Variants in DHX57 observed in about 807,000 individuals in gnomAD.
The protein encoded by DHX57 is putative ATP-dependent RNA helicase DHX57.
A neutral mutation model predicts 156.2 loss-of-function variants in DHX57; 105 were observed. The ratio of observed to expected loss-of-function variants is 0.67; its 90% CI spans 0.57 to 0.79. The LOEUF (loss-of-function observed/expected upper bound fraction) is 0.79. Ranked by LOEUF, DHX57 falls within the 30% of genes least tolerant of loss-of-function variation. The probability of loss-of-function intolerance (pLI) is 0.00; values close to 1 mark genes in which losing one functional copy is unlikely to be tolerated. For synonymous variants in DHX57, 704 were observed against 595.6 expected (o/e 1.18, Z -2.65); for missense variants, 1,847 against 1,661.9 (o/e 1.11, Z -1.94).
chr2:38,861,585 C>A lies in DHX57; in HGVS notation c.825G>T (p.Gly275=). The change falls in exon 5 of 24, where the codon GGG becomes GGT. Residue 275 remains glycine (G), a synonymous_variant. Coordinates refer to ENST00000457308, the MANE Select transcript of DHX57 (RefSeq NM_198963.3). ...TACTTGTCAGATACTCCAGTTCTAA[C>A]CCAATGGTCCAGACTCTGTTCTGAA... The part of the protein sequence containing the change: ...ERIQNRVWTI[G]LELEYLTSRF... The A allele has an allele frequency of 1.9e-6, 3 of 1,614,194 alleles. No homozygotes were observed. Among genetic ancestry groups the A allele is most frequent in the Non-Finnish European group, 2.5e-6 (3 of 1,180,038 alleles).
At chr2:38,875,631 G>C (rs1467837225) in intron 1 of DHX57, among the ~76,000 whole-genome samples, 156 bp downstream of exon 1, 2 of 151,828 alleles carry the variant, frequency 1.3e-5, no homozygotes, top group Non-Finnish European at 2.9e-5. Context: ...CAGATTCACC[G>C]GCCCCAGGCA....
intron 13 of DHX57, among the ~76,000 whole-genome samples, chr2:38,828,983 C>T (rs1432196001): frequency 6.6e-6 from 1 of 152,100 alleles, no homozygotes; most frequent in Non-Finnish European, 1.5e-5. Flanking sequence ...CTCTGTCACC[C>T]AGGCTGAAGT....
At chr2:38,855,366 A>G (rs1192209043) in intron 7 of DHX57, 114 bp from the exon 8 acceptor site, 33 of 1,186,984 alleles carry the variant, frequency 2.8e-5, no homozygotes, top group Non-Finnish European at 2.5e-6. Context: ...AAAGTTGTTC[A>G]GTTTCAGGTA....
chr2:38,863,049 TCAA>T (rs1673317041), intron 3 of DHX57: 1 of 221,826 alleles, frequency 4.5e-6, no homozygotes, highest in Admixed American at 5.2e-5. Context: ...ATTTGCTCAT[TCAA>T]CACTACTTCT....
intron 17 of DHX57, among the ~76,000 whole-genome samples, chr2:38,820,029 A>G (rs982183231): frequency 2.6e-5 from 4 of 152,194 alleles, no homozygotes; most frequent in Admixed American, 2.0e-4. Context: ...TATCAGCATG[A>G]GCTGCAGTAG....
chr2:38,822,140 A>G (rs3112145), intron 17 of DHX57, among the ~76,000 whole-genome samples: 140,212 of 152,144 alleles, frequency 0.92, 65,752 homozygotes, highest in East Asian at 1. Flanking sequence ...GCTGGAGTGC[A>G]ATGGCGCGAC....
intron 5 of DHX57, 61 bp downstream of exon 5, chr2:38,860,938 C>CT: frequency 1.2e-5 from 18 of 1,469,662 alleles, no homozygotes; most frequent in Admixed American, 1.9e-5. Context: ...GCCTTAAAGG[C>CT]TTTGACTTCT....
intron 7 of DHX57, 53 bp from the exon 8 acceptor site, chr2:38,855,305 C>G: frequency 6.5e-7 from 1 of 1,539,746 alleles, no homozygotes; most frequent in Non-Finnish European, 9.0e-7. Context: ...GGCTAGTTAA[C>G]TAAAGAAGCA....
chr2:38,864,326 C>G (rs539412864), intron 2 of DHX57, among the ~76,000 whole-genome samples: 2 of 150,292 alleles, frequency 1.3e-5, no homozygotes, highest in African/African-American at 4.9e-5. Flanking sequence ...GGTAGGATTG[C>G]TTAAGCCCCA....
At chr2:38,831,562 G>T (rs534460650) in intron 13 of DHX57, among the ~76,000 whole-genome samples, 1 of 152,078 alleles carries the variant, frequency 6.6e-6, no homozygotes, top group Admixed American at 6.6e-5. Context: ...CCTTTGGAAT[G>T]AAATGACATA....
intron 9 of DHX57, among the ~76,000 whole-genome samples, chr2:38,852,488 C>T (rs1248250744): frequency 6.6e-6 from 1 of 151,890 alleles, no homozygotes; most frequent in Non-Finnish European, 1.5e-5. Context: ...ACAGGACTTT[C>T]TCTTTTTTCC....
At chr2:38,816,271 G>A (rs1670543374) in intron 19 of DHX57, 6 of 460,704 alleles carry the variant, frequency 1.3e-5, no homozygotes, top group Non-Finnish European at 2.2e-5. Flanking sequence ...CTGGAGTGCA[G>A]TGGCGCAATC....
intron 12 of DHX57, 128 bp downstream of exon 12, chr2:38,842,877 T>A: frequency 1.1e-6 from 1 of 936,642 alleles, no homozygotes; most frequent in South Asian, 1.7e-5. Flanking sequence ...GGTTTAAGGT[T>A]GCTCTGATGA....
In DHX57 at chr2:38,806,577, A is replaced by C; in HGVS notation, c.3798T>G (p.Pro1266=). The change falls in exon 22 of 24, where the codon CCT becomes CCG. Residue 1266 remains proline, a synonymous_variant. Transcript: ENST00000457308. Reference sequence around the variant, plus strand: ...TTCTGACCTGATAGTTCACTGATGAAGGGTGAATGTGTACATATCCATCGT... The same window carrying C: ...TTCTGACCTGATAGTTCACTGATGACGGGTGAATGTGTACATATCCATCGT... ...TKNDGYVHIH[P]SSVNYQVRHF... is the part of the protein sequence containing the mutation. 1 of 1,614,040 alleles carries C rather than the reference A, an allele frequency of 6.2e-7. No individual in the cohort carries two copies. The highest frequency in any genetic ancestry group is 1.1e-5 in the South Asian group (1 of 91,054).
intron 21 of DHX57, among the ~76,000 whole-genome samples, 198 bp downstream of exon 21, chr2:38,813,623 C>T (rs543688161): frequency 2.2e-4 from 33 of 152,274 alleles, no homozygotes; most frequent in African/African-American, 5.8e-4. Flanking sequence ...CCGCCCGCCT[C>T]GGCCTCCCAA....
rs1192304257 is a variant in DHX57 at position 38,861,815 on chromosome 2, A to G, written c.595T>C (p.Cys199Arg). 6.2e-7 allele frequency: 1 copy of G among 1,610,100 alleles called. No individual in the cohort carries two copies. Among genetic ancestry groups the G allele is most frequent in the Non-Finnish European group, 8.5e-7 (1 of 1,178,126 alleles). The change falls in exon 5 of 24, where the codon TGT (cysteine) becomes CGT (arginine). Residue 199 changes from cysteine to arginine, a missense_variant. Transcript: ENST00000457308. ...LSRYGFNTER[C>R]QAVLRMCDGD... The stretch of plus-strand genomic sequence containing the variant: ...TCACACATCCTCAGGACCGCTTGAC[A>G]GCGTTCAGTATTGAAACCATACCTG...
At chr2:38,842,924 T>G in intron 12 of DHX57, 81 bp downstream of exon 12, 1 of 1,459,280 alleles carries the variant, frequency 6.9e-7, no homozygotes, top group Non-Finnish European at 9.5e-7. Context: ...AGAATCATAT[T>G]TTTCTTCTTC....
At chr2:38,811,955 T>A (rs1670270873) in intron 21 of DHX57, among the ~76,000 whole-genome samples, 1 of 152,134 alleles carries the variant, frequency 6.6e-6, no homozygotes, top group Non-Finnish European at 1.5e-5. Context: ...GACAGGGTTT[T>A]GCCATGTTGC....
chr2:38,863,191 C>G (rs1673326929), intron 3 of DHX57, 170 bp downstream of exon 3: 1 of 720,874 alleles, frequency 1.4e-6, no homozygotes, highest in South Asian at 2.5e-5. Context: ...CAAACTCACT[C>G]TAAAATTGTG....
Sources: allele counts gnomAD v4.1 joint callset (sites outside exome capture counted in the v4.1 genomes callset), GRCh38; gene constraint gnomAD v4.1.1; transcripts MANE v1.5; gene names NCBI Gene and HGNC (gene_info 2026-07-23, HGNC 2026-07-21).